Variants in COL9A1 observed in about 807,000 individuals in gnomAD.
The protein encoded by COL9A1 is collagen alpha-1(IX) chain.
COL9A1 carries 104 observed loss-of-function variants against 142.6 expected under a neutral mutation model. The ratio of observed to expected loss-of-function variants is 0.73; its 90% CI spans 0.62 to 0.86. The LOEUF (loss-of-function observed/expected upper bound fraction) is 0.86. COL9A1 is among the 40% of genes least tolerant of loss of function. The pLI, the probability that COL9A1 is intolerant of heterozygous loss-of-function variation, is 0.00. For synonymous variants in COL9A1, 466 were observed against 396.0 expected, an observed-to-expected ratio of 1.18 and a Z score of -2.10; for missense variants, 1,210 against 1,176.6, an observed-to-expected ratio of 1.03 and a Z score of -0.42.
rs1266356556 is a variant in COL9A1 at position 70,294,138 on chromosome 6, T to C, written c.696+29A>G. On this transcript the variant is annotated intron_variant, in intron 5 of 37. Coordinates refer to ENST00000357250, the MANE Select transcript of COL9A1 (RefSeq NM_001851.6). Reference sequence around the variant, plus strand: ...TTTTACCAATCTAGTTTTGCTTTAATCTGCCATAGTGTGTGGTTTTATACT... The same window carrying C: ...TTTTACCAATCTAGTTTTGCTTTAACCTGCCATAGTGTGTGGTTTTATACT... 3 of 1,613,712 alleles carry C rather than the reference T, an allele frequency of 1.9e-6. No individual in the cohort carries two copies. In the South Asian group the frequency reaches 3.3e-5, roughly 18 times the overall value.
At chr6:70,232,313 G>T (rs530106675) in intron 36 of COL9A1, among the ~76,000 whole-genome samples, 2 of 152,298 alleles carry the variant, frequency 1.3e-5, no homozygotes, top group East Asian at 3.9e-4. Context: ...TTTGAACCAT[G>T]ATTGAGGTAG....
At chr6:70,248,587 G>A (rs1332063000) in intron 28 of COL9A1, among the ~76,000 whole-genome samples, 3 of 152,226 alleles carry the variant, frequency 2.0e-5, no homozygotes, top group Non-Finnish European at 4.4e-5. Context: ...CTTTCAGTAA[G>A]TGGATTTGGT....
chr6:70,227,493 A>G (rs187672263), intron 36 of COL9A1, among the ~76,000 whole-genome samples: 2 of 150,958 alleles, frequency 1.3e-5, no homozygotes, highest in East Asian at 3.9e-4. Flanking sequence ...TCCAAAGTTC[A>G]ATTAAAGATA....
chr6:70,301,057 G>A (rs1351788893), intron 2 of COL9A1, among the ~76,000 whole-genome samples: 2 of 152,044 alleles, frequency 1.3e-5, no homozygotes, highest in Non-Finnish European at 1.5e-5. Context: ...CTTAGAACTG[G>A]GAAGAGTAAA....
At chr6:70,242,930 C>A (rs538352125) in intron 28 of COL9A1, among the ~76,000 whole-genome samples, 1 of 152,334 alleles carries the variant, frequency 6.6e-6, no homozygotes, top group East Asian at 1.9e-4. Context: ...GATAGCTATG[C>A]ATGTATATGA....
intron 1 of COL9A1, 127 bp from the exon 2 acceptor site, chr6:70,302,201 T>TTTA: frequency 1.9e-6 from 1 of 539,554 alleles, no homozygotes; most frequent in Non-Finnish European, 3.3e-6. Context: ...TTTTTTTTCA[T>TTTA]TTCTTTTTTT....
At position 70,269,637 on chromosome 6, in the gene COL9A1, G is replaced by T; in HGVS notation, c.1226C>A (p.Pro409Gln). Residue 409 changes from proline (P) to glutamine (Q), a missense_variant, in exon 16 of 38, where the codon CCA becomes CAA. Transcript: ENST00000357250. ...RGTIGFHDGDPLCPNACPPGR... is the reference protein window; with the variant it reads ...RGTIGFHDGDQLCPNACPPGR... The stretch of plus-strand genomic sequence containing the variant: ...GTTCAAAGGAAAGCATCTTACCAAT[G>T]GATCTCCATCATGAAAGCCAATTGT... 6.3e-7 allele frequency: 1 copy of T among 1,590,768 alleles called. No homozygotes were observed. The highest frequency in any genetic ancestry group is 8.6e-7 in the Non-Finnish European group (1 of 1,158,786).
At chr6:70,280,261 G>C (rs1773060844) in intron 10 of COL9A1, 1 of 1,245,046 alleles carries the variant, frequency 8.0e-7, no homozygotes, top group African/African-American at 1.5e-5. Context: ...ATCTAGTTTT[G>C]AATTTCTAAA....
intron 13 of COL9A1, 84 bp downstream of exon 13, chr6:70,271,981 C>G: frequency 1.5e-6 from 2 of 1,361,486 alleles, no homozygotes; most frequent in Non-Finnish European, 2.1e-6. Context: ...CTGAGTAGAC[C>G]GTTAGTAGGA....
At chr6:70,265,022 G>A (rs542399529) in intron 18 of COL9A1, among the ~76,000 whole-genome samples, 3 of 151,994 alleles carry the variant, frequency 2.0e-5, no homozygotes, top group Admixed American at 6.5e-5. Context: ...CCATCCTATC[G>A]ATTTTCAAAG....
In COL9A1 at chr6:70,300,184, T is replaced by A. The variant is rs367635142; in HGVS notation, c.167-9A>T. The A allele has an allele frequency of 9.3e-6, 15 of 1,613,670 alleles. No individual in the cohort carries two copies. The highest frequency in any genetic ancestry group is 1.2e-5 in the Non-Finnish European group (14 of 1,179,842). On this transcript the variant is annotated splice_polypyrimidine_tract_variant and intron_variant, in intron 3 of 37. Coordinates refer to ENST00000357250, the MANE Select transcript of COL9A1 (RefSeq NM_001851.6). ...AGAGATCAGATCAAACCCTATAGAATGGGAATACAAAATGAAAAGTCTAAA... is the reference window on the plus strand; with the variant it reads ...AGAGATCAGATCAAACCCTATAGAAAGGGAATACAAAATGAAAAGTCTAAA...
intron 28 of COL9A1, among the ~76,000 whole-genome samples, chr6:70,251,093 C>T (rs1770907271): frequency 6.6e-6 from 1 of 152,170 alleles, no homozygotes. Flanking sequence ...ATGTCCATCA[C>T]CCAATGCATG....
chr6:70,235,020 T>C, intron 33 of COL9A1, 80 bp from the exon 34 acceptor site: 1 of 1,586,958 alleles, frequency 6.3e-7, no homozygotes, highest in South Asian at 1.1e-5. Flanking sequence ...AACACTTATA[T>C]GAAATTTGCG....
At position 70,267,327 on chromosome 6, in the gene COL9A1, G is replaced by GTTTTTTTGTT. The variant is rs1554241915; in HGVS notation, c.1288-558_1288-557insAACAAAAAAA. 8.7e-5 allele frequency among the ~76,000 whole-genome samples: 11 copies of GTTTTTTTGTT among 127,060 alleles called. 1 individual carries two copies. The South Asian group carries it at 2.2e-3, about 26-fold the overall frequency. The allele number at this position is 127,060 out of a possible 152,430, so 83.4% of individuals were successfully genotyped here. Reference sequence around the variant, plus strand: ...TTGTTGTTGTTTGTTTGGTTTTTTTGTTTTTTTTTTTTGAGATGGAGCTTC... The same window carrying GTTTTTTTGTT: ...TTGTTGTTGTTTGTTTGGTTTTTTTGTTTTTTTGTTTTTTTTTTTTTTGAGATGGAGCTTC... On this transcript the variant is annotated intron_variant, in intron 17 of 37. Transcript: ENST00000357250.
Position 70,280,680 on chromosome 6 carries a change from A to T in COL9A1, c.975+132T>A, listed in dbSNP as rs6455360. ...CCACGATCAATCAGGCGCTGGCAGGAGGCCAAGTTTAGAGCCACAGCGCGT... is the reference window on the plus strand; with the variant it reads ...CCACGATCAATCAGGCGCTGGCAGGTGGCCAAGTTTAGAGCCACAGCGCGT... On this transcript the variant is annotated intron_variant, in intron 10 of 37. Coordinates refer to ENST00000357250, the MANE Select transcript of COL9A1 (RefSeq NM_001851.6). 0.21 allele frequency: 284,965 copies of T among 1,333,864 alleles called. 32,852 individuals are homozygous for T. Among genetic ancestry groups the T allele is most frequent in the African/African-American group, 0.3 (20,652 of 68,326 alleles). The allele number at this position is 1,333,864 out of a possible 1,614,324, so 82.6% of individuals were successfully genotyped here.
chr6:70,285,571 A>T (rs541662845), intron 5 of COL9A1, among the ~76,000 whole-genome samples: 16 of 152,356 alleles, frequency 1.1e-4, no homozygotes, highest in Admixed American at 1.0e-3. Flanking sequence ...TGATGTTTAC[A>T]ACTAATTTAG....
intron 5 of COL9A1, among the ~76,000 whole-genome samples, chr6:70,288,268 C>A (rs1028259670): frequency 1.3e-5 from 2 of 152,158 alleles, no homozygotes; most frequent in Non-Finnish European, 2.9e-5. Flanking sequence ...TACTCCAAAT[C>A]CTGTTTTCCT....
In COL9A1 at chr6:70,254,957, G is replaced by A; in HGVS notation, c.1665+6C>T. 5 of 1,613,976 alleles carry A rather than the reference G, an allele frequency of 3.1e-6. No individual in the cohort carries two copies. Among genetic ancestry groups the A allele is most frequent in the Non-Finnish European group, 4.2e-6 (5 of 1,179,878 alleles). On this transcript the variant is annotated splice_donor_region_variant and intron_variant, in intron 24 of 37. Coordinates refer to ENST00000357250, the MANE Select transcript of COL9A1 (RefSeq NM_001851.6). ...ACTCACTCTTGGAGTAAATTACACA[G>A]CCTACCTTTGTTCCAGGCATTCCAG...
At chr6:70,255,482 AT>A in intron 21 of COL9A1, 92 bp from the exon 22 acceptor site, 1 of 1,093,910 alleles carries the variant, frequency 9.1e-7, no homozygotes, top group Non-Finnish European at 1.4e-6. Flanking sequence ...TCACCAAACT[AT>A]TAGTCTTCCA....
Sources: allele counts gnomAD v4.1 joint callset (sites outside exome capture counted in the v4.1 genomes callset), GRCh38; gene constraint gnomAD v4.1.1; transcripts MANE v1.5; gene names NCBI Gene and HGNC (gene_info 2026-07-23, HGNC 2026-07-21).